The following FERRY3 variants were observed in gnomAD, a reference collection of about 807,000 sequenced individuals.
FERRY3 encodes the protein protein C12orf4.
chr12:4,523,776 A>G, the FERRY3 span, among the ~76,000 whole-genome samples: 2 of 152,118 alleles, frequency 1.3e-5, no homozygotes, highest in East Asian at 3.9e-4. Context: ...ACTTGGACAC[A>G]GGGCGGGGAA....
At chr12:4,512,255 AC>A in the FERRY3 span, among the ~76,000 whole-genome samples, 16 of 148,076 alleles carry the variant, frequency 1.1e-4, no homozygotes, top group South Asian at 2.2e-4. Flanking sequence ...TCAATAGCTT[AC>A]CAACCAAAAA....
At chr12:4,514,881 A>G in the FERRY3 span, among the ~76,000 whole-genome samples, 1 of 152,170 alleles carries the variant, frequency 6.6e-6, no homozygotes, top group Admixed American at 6.5e-5. Flanking sequence ...TAAAACTTAA[A>G]GTATAATAAA....
chr12:4,508,666 G>T, the FERRY3 span, among the ~76,000 whole-genome samples: 2 of 151,818 alleles, frequency 1.3e-5, no homozygotes, highest in African/African-American at 4.8e-5. Flanking sequence ...AATTGCTTGA[G>T]CCCAAGAGGC....
At chr12:4,495,167 T>C in the FERRY3 span, among the ~76,000 whole-genome samples, 1 of 151,240 alleles carries the variant, frequency 6.6e-6, no homozygotes, top group Non-Finnish European at 1.5e-5. Context: ...TTTCTGCTGA[T>C]TCTCATTCAC....
the FERRY3 span, among the ~76,000 whole-genome samples, chr12:4,493,519 T>C: frequency 7.9e-5 from 12 of 152,248 alleles, no homozygotes; most frequent in African/African-American, 2.9e-4. Flanking sequence ...AAAGGTCTAG[T>C]TTTTTAGTTG....
chr12:4,500,254 T>C, the FERRY3 span: 1 of 1,614,124 alleles, frequency 6.2e-7, no homozygotes, highest in Non-Finnish European at 8.5e-7. Flanking sequence ...GCAGTGATGT[T>C]TCCCGATTTC....
the FERRY3 span, among the ~76,000 whole-genome samples, chr12:4,523,372 C>G: frequency 0.012 from 1,781 of 152,338 alleles, 37 homozygotes; most frequent in African/African-American, 0.04. Context: ...GGACTGTAAA[C>G]TAGTTCAACC....
At chr12:4,490,652 T>A in the FERRY3 span, 1 of 1,324,940 alleles carries the variant, frequency 7.5e-7, no homozygotes. Context: ...ACCAGTCACT[T>A]ACTGAAATTA....
chr12:4,505,521 A>G, the FERRY3 span: 1 of 623,564 alleles, frequency 1.6e-6, no homozygotes, highest in Non-Finnish European at 2.8e-6. Flanking sequence ...TATGCTTTAC[A>G]TGGATGATGT....
the FERRY3 span, among the ~76,000 whole-genome samples, chr12:4,535,032 T>C: frequency 1.7e-4 from 26 of 152,234 alleles, no homozygotes; most frequent in Non-Finnish European, 3.5e-4. The surrounding 1 kb of genome is among the most constrained non-coding windows in gnomAD (Gnocchi z 4.0). Context: ...TTACATCCTT[T>C]GAAAGAGAAG....
At chr12:4,488,158 T>G in the FERRY3 span, 1 of 152,204 alleles carries the variant, frequency 6.6e-6, no homozygotes, top group Non-Finnish European at 1.5e-5. The surrounding 1 kb of genome is among the most constrained non-coding windows in gnomAD (Gnocchi z 4.9). Flanking sequence ...TGACTTCACA[T>G]GCCAAATAGT....
the FERRY3 span, chr12:4,518,764 A>ACC: frequency 1.4e-6 from 2 of 1,453,712 alleles, no homozygotes; most frequent in Non-Finnish European, 1.9e-6. Flanking sequence ...AAAAAAATTA[A>ACC]CACACTTACC....
the FERRY3 span, among the ~76,000 whole-genome samples, chr12:4,515,611 A>G: frequency 6.6e-6 from 1 of 152,102 alleles, no homozygotes; most frequent in African/African-American, 2.4e-5. Flanking sequence ...AAATAGTTGA[A>G]CTCACACTGA....
chr12:4,527,414 T>C, the FERRY3 span, among the ~76,000 whole-genome samples: 1 of 152,156 alleles, frequency 6.6e-6, no homozygotes, highest in African/African-American at 2.4e-5. Context: ...ATACTAAATA[T>C]AGCCTGGCTC....
the FERRY3 span, among the ~76,000 whole-genome samples, chr12:4,494,019 C>G: frequency 3.3e-5 from 5 of 151,978 alleles, no homozygotes; most frequent in African/African-American, 1.2e-4. Context: ...CTTGAACCTG[C>G]AAGACGGAGG....
chr12:4,520,928 A>G, the FERRY3 span, among the ~76,000 whole-genome samples: 1 of 152,226 alleles, frequency 6.6e-6, no homozygotes, highest in Non-Finnish European at 1.5e-5. Context: ...GGGAAAAAAA[A>G]GGAAACCAAA....
chr12:4,494,254 AC>A, the FERRY3 span, among the ~76,000 whole-genome samples: 1 of 152,198 alleles, frequency 6.6e-6, no homozygotes, highest in South Asian at 2.1e-4. Flanking sequence ...TCAGAGAGGT[AC>A]AGCGAATTGC....
chr12:4,522,040 G>C, the FERRY3 span, among the ~76,000 whole-genome samples: 2 of 152,182 alleles, frequency 1.3e-5, no homozygotes, highest in Non-Finnish European at 2.9e-5. Context: ...GCAAGAGTGA[G>C]CCCTAAAATA....
chr12:4,514,909 ATATT>A, the FERRY3 span, among the ~76,000 whole-genome samples: 1 of 151,730 alleles, frequency 6.6e-6, no homozygotes, highest in Admixed American at 6.6e-5. Context: ...AAAATAAAAA[ATATT>A]TAGGTCCTAA....
Sources: gnomAD v4.1 joint callset for allele counts (sites outside exome capture counted in the v4.1 genomes callset) on GRCh38, gnomAD v4.1.1 for gene constraint, Gnocchi (gnomAD v3.1) non-coding constraint, MANE v1.5 for transcripts, NCBI Gene and HGNC (gene_info 2026-07-23, HGNC 2026-07-21) for gene names.